FHIT: variants seen among roughly 807,000 people sequenced by gnomAD.
FHIT encodes the protein fragile histidine triad diadenosine triphosphatase.
A neutral mutation model predicts 17.9 loss-of-function variants in FHIT; 19 were observed. The observed-to-expected ratio is 1.06, with a 90% CI of 0.74 to 1.56. FHIT has a LOEUF of 1.56. FHIT is among the 40% of genes most tolerant of loss of function. The probability of loss-of-function intolerance (pLI) is 0.00; values close to 1 mark genes in which losing one functional copy is unlikely to be tolerated. For synonymous variants in FHIT, 81 were observed against 69.7 expected, an observed-to-expected ratio of 1.16 and a Z score of -0.81; for missense variants, 248 against 189.2, an observed-to-expected ratio of 1.31 and a Z score of -1.82.
intron 4 of FHIT, among the ~76,000 whole-genome samples, chr3:60,779,585 A>C (rs531713768): frequency 1.2e-3 from 181 of 152,334 alleles, no homozygotes; most frequent in Non-Finnish European, 2.2e-3. Flanking sequence ...GTGTGTCACA[A>C]GACATCCTTT....
In FHIT at chr3:60,815,524, T is replaced by C. The variant is rs139844083; in HGVS notation, c.-18+6395A>G. On this transcript the variant is annotated intron_variant, in intron 4 of 9. Transcript: ENST00000492590. ...TTCTCCATTGCTTTTGTTAACTTTG[T>C]TGAAGATCAGATGGTTGTAAGTGTG... 2.0e-5 allele frequency among the ~76,000 whole-genome samples: 3 copies of C among 152,288 alleles called. No homozygotes were observed. In the East Asian group the frequency reaches 5.8e-4, roughly 29 times the overall value.
At chr3:60,030,716 A>C (rs181901859) in intron 5 of FHIT, among the ~76,000 whole-genome samples, 30 of 152,250 alleles carry the variant, frequency 2.0e-4, no homozygotes, top group African/African-American at 6.7e-4. Context: ...TGGTGGGTCA[A>C]TGGATGGATG....
At chr3:61,226,580 AGAG>A (rs1560094658) in intron 1 of FHIT, among the ~76,000 whole-genome samples, 1 of 152,058 alleles carries the variant, frequency 6.6e-6, no homozygotes, top group East Asian at 1.9e-4. Context: ...TGACATTACT[AGAG>A]AAGAAGTGGG....
chr3:60,823,086 A>G (rs1180364940), intron 3 of FHIT, among the ~76,000 whole-genome samples: 1 of 152,246 alleles, frequency 6.6e-6, no homozygotes, highest in Non-Finnish European at 1.5e-5. Flanking sequence ...ACAAGTATTT[A>G]TTGAGACTCT....
At chr3:60,147,266 T>C (rs1393604178) in intron 5 of FHIT, among the ~76,000 whole-genome samples, 1 of 152,226 alleles carries the variant, frequency 6.6e-6, no homozygotes, top group East Asian at 1.9e-4. Context: ...TCTCTGTCTT[T>C]GCAGAAACCA....
chr3:59,885,470 T>C (rs1392964761), intron 8 of FHIT, among the ~76,000 whole-genome samples: 5 of 150,874 alleles, frequency 3.3e-5, no homozygotes, highest in African/African-American at 1.2e-4. Flanking sequence ...ACGATTGATG[T>C]CTCTGATTTG....
chr3:60,613,325 G>A (rs921047192), intron 4 of FHIT, among the ~76,000 whole-genome samples: 18 of 152,286 alleles, frequency 1.2e-4, no homozygotes, highest in African/African-American at 4.1e-4. Flanking sequence ...CACCACTGCT[G>A]AGGCAGGGAG....
At chr3:60,947,131 C>T (rs879977538) in intron 3 of FHIT, among the ~76,000 whole-genome samples, 12 of 152,086 alleles carry the variant, frequency 7.9e-5, no homozygotes, top group Non-Finnish European at 1.0e-4. Context: ...GAAGTTTGTA[C>T]ATTTGTAGCA....
chr3:60,172,105 G>A (rs1161732262), intron 5 of FHIT, among the ~76,000 whole-genome samples: 1 of 152,120 alleles, frequency 6.6e-6, no homozygotes, highest in Non-Finnish European at 1.5e-5. Context: ...AAGCACATAA[G>A]TTTCTTAATA....
intron 5 of FHIT, among the ~76,000 whole-genome samples, chr3:60,408,806 G>A (rs1023180661): frequency 6.6e-6 from 1 of 152,060 alleles, no homozygotes; most frequent in African/African-American, 2.4e-5. Flanking sequence ...TGCCCTCAAA[G>A]GAAAGATCAA....
At chr3:60,137,286 C>G (rs563872100) in intron 5 of FHIT, among the ~76,000 whole-genome samples, 1 of 152,298 alleles carries the variant, frequency 6.6e-6, no homozygotes, top group South Asian at 2.1e-4. Context: ...GAACTTCCTT[C>G]TCACTGCCTT....
chr3:59,970,538 G>T, intron 7 of FHIT, among the ~76,000 whole-genome samples: 1 of 152,032 alleles, frequency 6.6e-6, no homozygotes, highest in African/African-American at 2.4e-5. Flanking sequence ...ATTTTTATAA[G>T]GGTTGGCTTA....
At chr3:60,680,981 G>A (rs2040733484) in intron 4 of FHIT, among the ~76,000 whole-genome samples, 1 of 152,220 alleles carries the variant, frequency 6.6e-6, no homozygotes, top group South Asian at 2.1e-4. Flanking sequence ...AATTGTAGAA[G>A]TCATCAAGGA....
At chr3:60,245,697 G>C (rs1705359946) in intron 5 of FHIT, among the ~76,000 whole-genome samples, 1 of 152,022 alleles carries the variant, frequency 6.6e-6, no homozygotes, top group Admixed American at 6.6e-5. Flanking sequence ...TCCAATTCTA[G>C]TGGAATTACA....
rs1701190516 is a variant in FHIT at position 60,390,602 on chromosome 3, G to A, written c.103+146258C>T. On this transcript the variant is annotated intron_variant, in intron 5 of 9. Transcript: ENST00000492590. ...AGATGACAGTTCCATGCCTGTTACT[G>A]TCCCTAAAGACCTTCCAGTGGGACA... Among the ~76,000 whole-genome samples the A allele has an allele frequency of 2.0e-5, 3 of 152,004 alleles. No homozygotes were observed. The South Asian group carries it at 6.2e-4, about 32-fold the overall frequency.
chr3:60,453,237 C>T (rs1016104056), intron 5 of FHIT, among the ~76,000 whole-genome samples: 8 of 151,806 alleles, frequency 5.3e-5, no homozygotes, highest in Non-Finnish European at 1.0e-4. Flanking sequence ...ACAACTTCCA[C>T]ACCTGAATGC....
In FHIT at chr3:60,805,894, G is replaced by T. The variant is rs115157942; in HGVS notation, c.-18+16025C>A. Among the ~76,000 whole-genome samples the T allele has an allele frequency of 3.6e-3, 543 of 152,274 alleles. 2 individuals carry two copies. Among genetic ancestry groups the T allele is most frequent in the African/African-American group, 0.012 (518 of 41,550 alleles). ...GGGGTAATTAAGGTTACCTTTAAAAGTTGTCTCCAAATACAGTCACATTAG... is the reference window on the plus strand; with the variant it reads ...GGGGTAATTAAGGTTACCTTTAAAATTTGTCTCCAAATACAGTCACATTAG... On this transcript the variant is annotated intron_variant, in intron 4 of 9. Coordinates refer to ENST00000492590, the MANE Select transcript of FHIT (RefSeq NM_002012.4).
At chr3:60,988,792 C>T (rs913840470) in intron 3 of FHIT, among the ~76,000 whole-genome samples, 2 of 151,926 alleles carry the variant, frequency 1.3e-5, no homozygotes, top group Admixed American at 1.3e-4. Context: ...TTTTAAACAA[C>T]TTTCTAGAGA....
intron 7 of FHIT, among the ~76,000 whole-genome samples, chr3:59,995,153 T>TCTG (rs1477513721): frequency 6.6e-6 from 1 of 151,940 alleles, no homozygotes; most frequent in East Asian, 1.9e-4. Flanking sequence ...ATAGTACAAA[T>TCTG]CTGCTGCTGC....
Sources: allele counts gnomAD v4.1 joint callset (sites outside exome capture counted in the v4.1 genomes callset), GRCh38; gene constraint gnomAD v4.1.1; transcripts MANE v1.5; gene names NCBI Gene and HGNC (gene_info 2026-07-23, HGNC 2026-07-21).